ZNF483: variants seen among roughly 807,000 people sequenced by gnomAD.
ZNF483 encodes the protein zinc finger protein HIT-10.
In ZNF483, 9 loss-of-function variants were observed where a neutral mutation model predicts 28.6. The ratio of observed to expected loss-of-function variants is 0.32; its 90% CI spans 0.19 to 0.55. The LOEUF (loss-of-function observed/expected upper bound fraction) is 0.55. ZNF483 is among the 20% of genes least tolerant of loss of function. The pLI is 0.93. For synonymous variants in ZNF483, 322 were observed against 306.2 expected (o/e 1.05, Z -0.54); for missense variants, 675 against 871.7 (o/e 0.77, Z 2.84).
intron 5 of ZNF483, chr9:111,574,902 C>G (rs1317894952): frequency 7.7e-7 from 1 of 1,306,498 alleles, no homozygotes; most frequent in East Asian, 2.4e-5. Context: ...TCAGGAGAAT[C>G]ATTAAGTCAC....
chr9:111,563,177 C>T, intron 5 of ZNF483: 5 of 1,613,996 alleles, frequency 3.1e-6, no homozygotes, highest in Non-Finnish European at 4.2e-6. Context: ...CCCATAAATG[C>T]AGCTGGCATG....
chr9:111,545,867 G>A lies in ZNF483; in HGVS notation c.*2697G>A, dbSNP rs1346808878. On this transcript the variant is annotated 3_prime_UTR_variant, in exon 6 of 6. Coordinates refer to ENST00000309235, the MANE Select transcript of ZNF483 (RefSeq NM_133464.5). ...ACATTGGTATGCAAGTGTTTTGAAC[G>A]TTAGTGTACAAGTCTTTGTGTGGAC... is the stretch of plus-strand genomic sequence containing the variant. Among the ~76,000 whole-genome samples the A allele has an allele frequency of 1.3e-5, 2 of 152,170 alleles. No individual in the cohort carries two copies. Among genetic ancestry groups the A allele is most frequent in the Admixed American group, 6.5e-5 (1 of 15,276 alleles).
At chr9:111,563,451 G>A (rs561131261) in intron 5 of ZNF483, 17 of 424,692 alleles carry the variant, frequency 4.0e-5, no homozygotes, top group African/African-American at 3.4e-4. Context: ...GAAATAATAG[G>A]TGTCGGATCA....
rs556311702 is a variant in ZNF483, at chr9:111,534,869, G to A, written c.721+516G>A. On this transcript the variant is annotated intron_variant, in intron 5 of 5. Coordinates refer to ENST00000309235, the MANE Select transcript of ZNF483 (RefSeq NM_133464.5). ...CTCCTGAGTAGCTGGGATTACAGGCGCCTGCCACCAAGCCTGGCTAATTTT... is the reference window on the plus strand; with the variant it reads ...CTCCTGAGTAGCTGGGATTACAGGCACCTGCCACCAAGCCTGGCTAATTTT... Among the ~76,000 whole-genome samples the A allele has an allele frequency of 7.1e-3, 1,079 of 151,758 alleles. 9 individuals are homozygous for A. The highest frequency in any genetic ancestry group is 1.0e-2 in the Non-Finnish European group (676 of 67,904).
Position 111,541,876 on chromosome 9 carries a change from C to T in ZNF483, c.941C>T (p.Thr314Ile). The change falls in exon 6 of 6, where the codon ACT (threonine) becomes ATT (isoleucine). Residue 314 changes from threonine to isoleucine, a missense_variant. Physicochemically the swap from Thr to Ile is moderately conservative, Grantham distance 89. Around this residue, in one of 6 missense-constraint regions of ZNF483, gnomAD observed 525 missense variants for 581.8 expected, o/e 0.90. Transcript: ENST00000309235. ...KSPFGHNFKE[T>I]SDLIKHLRVY... ...CCCTTTGGACATAATTTCAAAGAAA[C>T]TTCAGACTTAATTAAACATCTGAGA... 1 of 1,613,898 alleles carries T rather than the reference C, an allele frequency of 6.2e-7. No individual in the cohort carries two copies.
chr9:111,528,824 G>T (rs2132215553), intron 2 of ZNF483, among the ~76,000 whole-genome samples: 1 of 152,192 alleles, frequency 6.6e-6, no homozygotes, highest in Non-Finnish European at 1.5e-5. Flanking sequence ...CAAAATTAGG[G>T]CCTCTTTGTG....
At chr9:111,558,481 C>A (rs1015136040), downstream of ZNF483, among the ~76,000 whole-genome samples, 1 of 152,122 alleles carries the variant, frequency 6.6e-6, no homozygotes, top group African/African-American at 2.4e-5. Context: ...AGTTTGAAGT[C>A]AGCCTGGACA....
At chr9:111,556,177 A>T (rs771848022), downstream of ZNF483, among the ~76,000 whole-genome samples, 2 of 152,248 alleles carry the variant, frequency 1.3e-5, no homozygotes, top group Non-Finnish European at 2.9e-5. Flanking sequence ...ATTAAATCTT[A>T]TAGCTCCATA....
At chr9:111,539,413 T>G (rs1827611300) in intron 5 of ZNF483, 4 of 456,096 alleles carry the variant, frequency 8.8e-6, no homozygotes, top group Non-Finnish European at 1.8e-5. Context: ...CCCTTTGGTT[T>G]AGTAATTCTG....
At chr9:111,529,357 G>A (rs1303727102) in intron 2 of ZNF483, among the ~76,000 whole-genome samples, 11 of 152,200 alleles carry the variant, frequency 7.2e-5, no homozygotes, top group Admixed American at 7.2e-4. Context: ...GGGTTTTTAT[G>A]TATGTATTTT....
Position 111,533,777 on chromosome 9 carries a change from A to G in ZNF483, c.540A>G (p.Ser180=). The change falls in exon 4 of 6, where the codon TCA becomes TCG. Residue 180 remains serine (S), a synonymous_variant. Transcript: ENST00000309235. ...ITLKDVAVNF[S]RGEWKKLEPF... is the part of the protein sequence containing the mutation. ...TGAAGGATGTAGCTGTGAACTTTTC[A>G]AGAGGAGAGTGGAAGAAGCTGGAGC... The G allele has an allele frequency of 6.3e-7, 1 of 1,587,996 alleles. No homozygotes were observed. The highest frequency in any genetic ancestry group is 8.5e-7 in the Non-Finnish European group (1 of 1,172,376).
Position 111,543,598 on chromosome 9 carries a change from A to G in ZNF483, c.*428A>G, listed in dbSNP as rs1296387576. On this transcript the variant is annotated 3_prime_UTR_variant, in exon 6 of 6. Coordinates refer to ENST00000309235, the MANE Select transcript of ZNF483 (RefSeq NM_133464.5). ...TTTATTTTCGTCACCAGCAGAATGAAGGGATGGGATTAATGATTTTTGCCT... is the reference window on the plus strand; with the variant it reads ...TTTATTTTCGTCACCAGCAGAATGAGGGGATGGGATTAATGATTTTTGCCT... The G allele has an allele frequency of 1.0e-6, 1 of 987,978 alleles. No homozygotes were observed. Among genetic ancestry groups the G allele is most frequent in the African/African-American group, 1.7e-5 (1 of 57,356 alleles). The allele number at this position is 987,978 out of a possible 1,614,324, so 61.2% of individuals were successfully genotyped here. A position where few individuals can be genotyped will look rare whatever the true frequency, so the allele number is the denominator to read the frequency against.
At chr9:111,574,625 A>G in intron 5 of ZNF483, 1 of 715,368 alleles carries the variant, frequency 1.4e-6, no homozygotes. Context: ...AAAAAAGAAT[A>G]TATGAAAATC....
rs544442839 is a variant in ZNF483 at position 111,570,276 on chromosome 9, C to T, written c.722-6089C>T. The T allele has an allele frequency of 4.0e-4, 615 of 1,545,162 alleles. 1 individual carries two copies. Among genetic ancestry groups the T allele is most frequent in the Non-Finnish European group, 5.0e-4 (572 of 1,149,078 alleles). Reference sequence around the variant, plus strand: ...GGTGCCCATGGTGAAACAAGCAGTACAGGTCACTGTCACTGTGCTTGGTGC... The same window carrying T: ...GGTGCCCATGGTGAAACAAGCAGTATAGGTCACTGTCACTGTGCTTGGTGC... On this transcript the variant is annotated intron_variant, in intron 5 of 5. Transcript: ENST00000358151.
intron 5 of ZNF483, among the ~76,000 whole-genome samples, chr9:111,536,703 G>A (rs201866464): frequency 2.0e-5 from 3 of 151,250 alleles, no homozygotes; most frequent in Non-Finnish European, 4.4e-5. Flanking sequence ...GCCACTGACC[G>A]CACCCCCCCC....
intron 5 of ZNF483, chr9:111,563,382 G>A (rs1828398658): frequency 1.4e-6 from 1 of 712,286 alleles, no homozygotes; most frequent in Non-Finnish European, 2.2e-6. Context: ...TGAAGTCAAG[G>A]TGGGGCAAGA....
rs1398960543 is a variant in ZNF483, at chr9:111,551,181, A to C, written c.*8011A>C. ...TATTATTTCATCATGTAATCAATGTAAAAAAGTATTGAGACATTTTGTTTT... is the reference window on the plus strand; with the variant it reads ...TATTATTTCATCATGTAATCAATGTCAAAAAGTATTGAGACATTTTGTTTT... On this transcript the variant is annotated 3_prime_UTR_variant, in exon 6 of 6. Transcript: ENST00000309235. 6.6e-6 allele frequency among the ~76,000 whole-genome samples: 1 copy of C among 152,260 alleles called. No homozygotes were observed. Among genetic ancestry groups the C allele is most frequent in the South Asian group, 2.1e-4 (1 of 4,828 alleles).
At chr9:111,525,731 C>T (rs1174687251) in intron 1 of ZNF483, among the ~76,000 whole-genome samples, 1 of 152,128 alleles carries the variant, frequency 6.6e-6, no homozygotes, top group East Asian at 1.9e-4. Context: ...TATGTAAACT[C>T]CCTGTAGACG....
chr9:111,572,780 A>T (rs1052145629), intron 5 of ZNF483, among the ~76,000 whole-genome samples: 12 of 147,636 alleles, frequency 8.1e-5, no homozygotes, highest in African/African-American at 1.0e-4. Flanking sequence ...AAAAAAAAAA[A>T]TTAAAAAATT....
Sources: allele counts gnomAD v4.1 joint callset (sites outside exome capture counted in the v4.1 genomes callset), GRCh38; gene constraint gnomAD v4.1.1; regional missense constraint gnomAD v4.1.1; transcripts MANE v1.5; gene names NCBI Gene and HGNC (gene_info 2026-07-23, HGNC 2026-07-21).